Variants in CTBP2 observed in about 807,000 individuals in gnomAD.
The protein encoded by CTBP2 is C-terminal binding protein 2.
Under a neutral mutation model 80.3 loss-of-function variants are expected in CTBP2, and 30 were observed. The ratio of observed to expected loss-of-function variants is 0.37; its 90% confidence interval spans 0.28 to 0.51. The LOEUF is 0.51. Among genes scored for constraint, CTBP2 ranks in the 20% least tolerant of loss-of-function variants. The pLI, the probability that CTBP2 is intolerant of heterozygous loss-of-function variation, is 0.93. For missense variants in CTBP2, 1,212 were observed against 1,375.3 expected (o/e 0.88, Z 1.88); for synonymous variants, 594 against 587.4 (o/e 1.01, Z -0.16).
chr10:125,142,359 T>C (rs992496243), intron 1 of CTBP2, among the ~76,000 whole-genome samples: 3 of 152,134 alleles, frequency 2.0e-5, no homozygotes, highest in Non-Finnish European at 4.4e-5. Flanking sequence ...ATATTACAAA[T>C]GTCCTGGAAA....
At chr10:125,041,912 G>A (rs1959929679) in intron 2 of CTBP2, among the ~76,000 whole-genome samples, 2 of 146,024 alleles carry the variant, frequency 1.4e-5, no homozygotes, top group Middle Eastern at 7.0e-3. Context: ...TTCCACAAAC[G>A]CCAATATTCC....
At chr10:125,095,741 G>A (rs1443486101) in intron 2 of CTBP2, among the ~76,000 whole-genome samples, 4 of 152,202 alleles carry the variant, frequency 2.6e-5, no homozygotes, top group Non-Finnish European at 4.4e-5. Flanking sequence ...CAGGGCCTGG[G>A]GATTCAGGCT....
intron 1 of CTBP2, among the ~76,000 whole-genome samples, chr10:125,019,874 T>C (rs950114827): frequency 1.9e-4 from 29 of 152,120 alleles, no homozygotes; most frequent in African/African-American, 6.8e-4. Flanking sequence ...GGGAGAACTA[T>C]TTCCAAACTG....
chr10:125,012,072 AG>A (rs1955990344), intron 1 of CTBP2, among the ~76,000 whole-genome samples: 1 of 152,266 alleles, frequency 6.6e-6, no homozygotes, highest in Non-Finnish European at 1.5e-5. Context: ...AGATCCGTGA[AG>A]GGACATCACC....
At chr10:125,063,471 C>T (rs1207487050) in intron 2 of CTBP2, among the ~76,000 whole-genome samples, 2 of 152,222 alleles carry the variant, frequency 1.3e-5, no homozygotes, top group African/African-American at 4.8e-5. Flanking sequence ...AACACGTCGA[C>T]TCGTGCGAAA....
chr10:125,134,282 CA>C (rs1166241185), intron 1 of CTBP2, among the ~76,000 whole-genome samples: 5 of 152,184 alleles, frequency 3.3e-5, no homozygotes, highest in Non-Finnish European at 7.3e-5. Context: ...GAGTCCACGG[CA>C]GTAAGAGCAG....
intron 2 of CTBP2, among the ~76,000 whole-genome samples, chr10:125,083,713 C>T (rs1429342977): frequency 6.6e-6 from 1 of 152,150 alleles, no homozygotes; most frequent in African/African-American, 2.4e-5. Flanking sequence ...GGACTCCAGC[C>T]GTCCTGCCAC....
intron 2 of CTBP2, among the ~76,000 whole-genome samples, chr10:125,087,582 C>T (rs778560135): frequency 6.6e-6 from 1 of 152,238 alleles, no homozygotes; most frequent in Non-Finnish European, 1.5e-5. Context: ...TGGCCCAACA[C>T]CCACTCACAT....
At chr10:125,160,109 T>C (rs1395368624) in intron 1 of CTBP2, 3 of 143,622 alleles carry the variant, frequency 2.1e-5, no homozygotes, top group South Asian at 2.2e-4. Context: ...CGAGCCAGCG[T>C]CCACCCCCGG....
chr10:124,997,806 T>C (rs1371122366), intron 4 of CTBP2, 158 bp downstream of exon 6: 2 of 714,060 alleles, frequency 2.8e-6, no homozygotes, highest in Non-Finnish European at 4.6e-6. Flanking sequence ...TGATGGGTCT[T>C]GACTCCGATC....
chr10:125,160,596 GCCCTCCCCA>G (rs1204100304), upstream of CTBP2: 2 of 20,216 alleles, frequency 9.9e-5, no homozygotes, highest in East Asian at 6.4e-3. Context: ...TCCCCCTCCC[GCCCTCCCCA>G]CCCTCCCTCC....
chr10:125,036,928 C>T (rs1465732703), intron 3 of CTBP2, among the ~76,000 whole-genome samples: 2 of 152,134 alleles, frequency 1.3e-5, no homozygotes, highest in Admixed American at 1.3e-4. Flanking sequence ...TCAGCTTATA[C>T]ATAGGAGGAG....
chr10:125,159,099 G>A (rs1269064844), intron 1 of CTBP2, among the ~76,000 whole-genome samples: 4 of 150,354 alleles, frequency 2.7e-5, no homozygotes, highest in Non-Finnish European at 5.9e-5. Context: ...GGCGCTGGGG[G>A]CAGCGCGAGG....
rs1957567620 is a variant in CTBP2, at chr10:125,026,460, G to A, written c.1300C>T (p.Pro434Ser). 9 of 1,599,974 alleles carry A rather than the reference G, an allele frequency of 5.6e-6. No individual in the cohort carries two copies. Among genetic ancestry groups the A allele is most frequent in the South Asian group, 1.1e-5 (1 of 90,144 alleles). ...GGAGAGCTGTACCCGGAGTTGGAGG[G>A]GAAGTGTGGGGCATGGGTGCCCACG... Residue 434 changes from proline (P) to serine (S), a missense_variant, in exon 1 of 9, where the codon CCC becomes TCC. Physicochemically the swap from Pro to Ser is moderately conservative, Grantham distance 74. Around this residue, in one of 3 missense-constraint regions of CTBP2, gnomAD observed 848 missense variants for 782.3 expected, o/e 1.08. Coordinates refer to ENST00000309035, the MANE Select transcript of CTBP2 (RefSeq NM_022802.3).
At chr10:125,096,264 T>A (rs1849532325) in intron 2 of CTBP2, among the ~76,000 whole-genome samples, 1 of 152,196 alleles carries the variant, frequency 6.6e-6, no homozygotes, top group Admixed American at 6.5e-5. Context: ...CTTTTCGTCT[T>A]TTTTTCTGAG....
chr10:124,993,536 A>C (rs1953011571), intron 6 of CTBP2, among the ~76,000 whole-genome samples: 1 of 152,198 alleles, frequency 6.6e-6, no homozygotes, highest in Non-Finnish European at 1.5e-5. Context: ...TTGGTAGATC[A>C]AAAAGCCCAA....
At chr10:125,136,114 GCTGGGAT>G (rs1856933987) in intron 1 of CTBP2, among the ~76,000 whole-genome samples, 1 of 152,228 alleles carries the variant, frequency 6.6e-6, no homozygotes, top group Non-Finnish European at 1.5e-5. Context: ...GTAGGATTAA[GCTGGGAT>G]CTTTTTTCAA....
chr10:125,156,928 C>T (rs1380445174), intron 1 of CTBP2, among the ~76,000 whole-genome samples: 4 of 152,202 alleles, frequency 2.6e-5, no homozygotes, highest in African/African-American at 9.7e-5. Flanking sequence ...ACCGTTTCAT[C>T]TTGTGTACAC....
At chr10:125,080,379 G>A (rs532083622) in intron 2 of CTBP2, among the ~76,000 whole-genome samples, 1 of 152,222 alleles carries the variant, frequency 6.6e-6, no homozygotes, top group East Asian at 1.9e-4. Context: ...CCCAGCCCAG[G>A]GCAGGTGGGC....
Sources: allele counts gnomAD v4.1 joint callset (sites outside exome capture counted in the v4.1 genomes callset), GRCh38; gene constraint gnomAD v4.1.1; regional missense constraint gnomAD v4.1.1; transcripts MANE v1.5; gene names NCBI Gene and HGNC (gene_info 2026-07-23, HGNC 2026-07-21).